Variants in CAVIN2 observed in about 807,000 individuals in gnomAD.
CAVIN2 encodes the protein caveolae associated protein 2.
Under a neutral mutation model 11.7 loss-of-function variants are expected in CAVIN2, and 13 were observed. The ratio of observed to expected loss-of-function variants is 1.11; its 90% CI spans 0.72 to 1.77. The LOEUF (loss-of-function observed/expected upper bound fraction) is 1.77. Among genes scored for constraint, CAVIN2 ranks in the 40% most tolerant of loss-of-function variants. The probability of loss-of-function intolerance (pLI) is 0.00; values close to 1 mark genes in which losing one functional copy is unlikely to be tolerated. For synonymous variants in CAVIN2, 237 were observed against 223.2 expected (o/e 1.06, Z -0.55); for missense variants, 549 against 542.9 (o/e 1.01, Z -0.11).
intron 1 of CAVIN2, 38 bp downstream of exon 1, chr2:191,846,404 GT>G: frequency 6.4e-7 from 1 of 1,564,246 alleles, no homozygotes; most frequent in Non-Finnish European, 8.7e-7. Context: ...ATGATAAGGA[GT>G]TCCAGCCCGC....
intron 1 of CAVIN2, among the ~76,000 whole-genome samples, chr2:191,837,345 G>T (rs950687318): frequency 1.3e-5 from 2 of 152,180 alleles, no homozygotes; most frequent in African/African-American, 4.8e-5. Context: ...CTTCCTGGGG[G>T]TGCACTCAGG....
chr2:191,835,887 T>G lies in CAVIN2; in HGVS notation c.*36A>C, dbSNP rs1437310223. On this transcript the variant is annotated 3_prime_UTR_variant, in exon 2 of 2. Transcript: ENST00000304141. ...TTGTTCTTCAGCCCTGGCTGCCCGCTTGAGCACAGCACAGGATGGCACGGT... is the reference window on the plus strand; with the variant it reads ...TTGTTCTTCAGCCCTGGCTGCCCGCGTGAGCACAGCACAGGATGGCACGGT... 1 of 1,578,384 alleles carries G rather than the reference T, an allele frequency of 6.3e-7. No individual in the cohort carries two copies. Among genetic ancestry groups the G allele is most frequent in the Admixed American group, 1.7e-5 (1 of 57,950 alleles).
At chr2:191,838,037 C>T (rs537357775) in intron 1 of CAVIN2, among the ~76,000 whole-genome samples, 1 of 152,354 alleles carries the variant, frequency 6.6e-6, no homozygotes, top group African/African-American at 2.4e-5. Flanking sequence ...AGCTCCAGAC[C>T]CCCCTGCCAC....
intron 1 of CAVIN2, 147 bp downstream of exon 1, chr2:191,846,296 C>A: frequency 9.8e-7 from 1 of 1,016,146 alleles, no homozygotes; most frequent in Non-Finnish European, 1.4e-6. Context: ...CATTTGCTTT[C>A]CGCAGGCAGA....
At chr2:191,839,743 A>G (rs1690069004) in intron 1 of CAVIN2, among the ~76,000 whole-genome samples, 1 of 152,186 alleles carries the variant, frequency 6.6e-6, no homozygotes, top group Non-Finnish European at 1.5e-5. Flanking sequence ...CTGTCATTTT[A>G]ATTACACAAA....
intron 1 of CAVIN2, among the ~76,000 whole-genome samples, chr2:191,837,527 G>C (rs10194291): frequency 0.01 from 1,531 of 152,278 alleles, 23 homozygotes; most frequent in African/African-American, 0.035. Flanking sequence ...TTCCAGCGAA[G>C]AGTGAGGAGA....
Position 191,836,402 on chromosome 2 carries a change from T to G in CAVIN2, c.799A>C (p.Arg267=). The G allele has an allele frequency of 6.2e-7, 1 of 1,614,224 alleles. No homozygotes were observed. The highest frequency in any genetic ancestry group is 8.5e-7 in the Non-Finnish European group (1 of 1,180,046). The change falls in exon 2 of 2, where the codon AGG becomes CGG. Residue 267 remains arginine (R), a synonymous_variant. Transcript: ENST00000304141. Reference sequence around the variant, plus strand: ...AGAGATTTCTTAATCTTCTCTCTCCTCTCTACAGATACGATCTTTGTCCCC... The same window carrying G: ...AGAGATTTCTTAATCTTCTCTCTCCGCTCTACAGATACGATCTTTGTCCCC... ...KLGTKIVSVE[R]REKIKKSLTS...
At chr2:191,838,833 GC>G (rs1690055782) in intron 1 of CAVIN2, among the ~76,000 whole-genome samples, 1 of 152,176 alleles carries the variant, frequency 6.6e-6, no homozygotes, top group Non-Finnish European at 1.5e-5. Flanking sequence ...CCTGAGAGTG[GC>G]TGGAATGGAG....
In CAVIN2 at chr2:191,836,622, C is replaced by T; in HGVS notation, c.579G>A (p.Leu193=). The T allele has an allele frequency of 1.9e-6, 3 of 1,614,090 alleles. No individual in the cohort carries two copies. The highest frequency in any genetic ancestry group is 2.5e-6 in the Non-Finnish European group (3 of 1,180,022). ...GGTCCACGGTGTGCAGGGTTTCCTC[C>T]AGGGATTTGTTTTCATCCGGAAGCT... is the stretch of plus-strand genomic sequence containing the variant. The part of the protein sequence containing the change: ...KEELPDENKS[L]EETLHTVDLS... Residue 193 remains leucine (L), a synonymous_variant, in exon 2 of 2, where the codon CTG becomes CTA. Coordinates refer to ENST00000304141, the MANE Select transcript of CAVIN2 (RefSeq NM_004657.6).
rs1690018575 is a variant in CAVIN2, at chr2:191,836,345, T to A, written c.856A>T (p.Lys286Ter). ...TSNHQKISSG[K>*]SSPFKVSPLT... ...GGAGAAACCTTGAAGGGGGAGCTTT[T>A]TCCTGAGGATATTTTCTGGTGATTT... Residue 286 changes from lysine to a stop codon, truncating the protein, a stop_gained, in exon 2 of 2, where the codon AAA (lysine) becomes TAA (stop). Coordinates refer to ENST00000304141, the MANE Select transcript of CAVIN2 (RefSeq NM_004657.6). LOFTEE classifies it low-confidence loss of function (END_TRUNC). 4 of 1,614,214 alleles carry A rather than the reference T, an allele frequency of 2.5e-6. No individual in the cohort carries two copies. In the South Asian group the frequency reaches 4.4e-5, roughly 18 times the overall value.
Position 191,835,935 on chromosome 2 carries a change from G to A in CAVIN2, c.1266C>T (p.His422=), listed in dbSNP as rs778431075. ...GGTGGCTCTAAGCTCAGGAGGTCTG[G>A]TGCACCTGGAGCACGGCGGGCTGCA... ...DPVQPAVLQV[H]QTS is the part of the protein sequence containing the mutation. The change falls in exon 2 of 2, where the codon CAC becomes CAT. Residue 422 remains histidine (H), a synonymous_variant. Transcript: ENST00000304141. The A allele has an allele frequency of 6.2e-7, 1 of 1,611,974 alleles. No individual in the cohort carries two copies. The highest frequency in any genetic ancestry group is 1.7e-4 in the Middle Eastern group (1 of 6,058).
At chr2:191,844,317 C>G (rs1690135511) in intron 1 of CAVIN2, among the ~76,000 whole-genome samples, 1 of 152,170 alleles carries the variant, frequency 6.6e-6, no homozygotes, top group Non-Finnish European at 1.5e-5. Context: ...TTAGAAGGAA[C>G]AAGAGAGTCC....
intron 1 of CAVIN2, among the ~76,000 whole-genome samples, chr2:191,841,908 G>A (rs1388178182): frequency 6.6e-6 from 1 of 152,104 alleles, no homozygotes; most frequent in South Asian, 2.1e-4. Context: ...CTAATATTTT[G>A]TTTATCTCAT....
Position 191,835,123 on chromosome 2 carries a change from C to T in CAVIN2, c.*800G>A, listed in dbSNP as rs1689993247. The T allele has an allele frequency of 6.6e-6, 1 of 151,684 alleles. No individual in the cohort carries two copies. The highest frequency in any genetic ancestry group is 2.4e-5 in the African/African-American group (1 of 41,314). The allele number at this position is 151,684 out of a possible 1,614,324, so 9.4% of individuals were successfully genotyped here. A position where few individuals can be genotyped will look rare whatever the true frequency, so the allele number is the denominator to read the frequency against. The stretch of plus-strand genomic sequence containing the variant: ...ATATTTTGAAGATGACATGTTATTC[C>T]AGGATATACGAACTTCTTTAGTATT... On this transcript the variant is annotated 3_prime_UTR_variant, in exon 2 of 2. Coordinates refer to ENST00000304141, the MANE Select transcript of CAVIN2 (RefSeq NM_004657.6).
chr2:191,845,288 A>G (rs935919675), intron 1 of CAVIN2, among the ~76,000 whole-genome samples: 7 of 152,194 alleles, frequency 4.6e-5, no homozygotes, highest in Non-Finnish European at 8.8e-5. Flanking sequence ...TGGGGGTAGG[A>G]AGGCTTCTAA....
intron 1 of CAVIN2, among the ~76,000 whole-genome samples, chr2:191,839,699 A>C (rs1221279676): frequency 1.3e-5 from 2 of 152,188 alleles, no homozygotes; most frequent in Non-Finnish European, 2.9e-5. Flanking sequence ...GAAACAAGTG[A>C]GATATGTCTT....
At chr2:191,837,217 G>A (rs1042430647) in intron 1 of CAVIN2, among the ~76,000 whole-genome samples, 1 of 152,190 alleles carries the variant, frequency 6.6e-6, no homozygotes, top group African/African-American at 2.4e-5. Context: ...GCCTTGACTG[G>A]GTTCCCTCTC....
intron 1 of CAVIN2, among the ~76,000 whole-genome samples, chr2:191,838,662 T>C (rs1241960335): frequency 2.0e-5 from 3 of 152,226 alleles, no homozygotes; most frequent in African/African-American, 7.2e-5. Context: ...CAAGCACTGC[T>C]TTCCCGTGTT....
Position 191,835,250 on chromosome 2 carries a change from C to T in CAVIN2, c.*673G>A, listed in dbSNP as rs1365901239. The T allele has an allele frequency of 6.6e-6, 1 of 151,880 alleles. No individual in the cohort carries two copies. Among genetic ancestry groups the T allele is most frequent in the African/African-American group, 2.4e-5 (1 of 41,370 alleles). 9.4% of individuals were successfully genotyped at this position (151,880 alleles called of 1,614,324 possible). ...TCATTCTTTTCGGCATTCTTTGTTT[C>T]CTGTTTCTCTCATTTTCCAAATTTT... On this transcript the variant is annotated 3_prime_UTR_variant, in exon 2 of 2. Transcript: ENST00000304141.
Sources: allele counts gnomAD v4.1 joint callset (sites outside exome capture counted in the v4.1 genomes callset), GRCh38; gene constraint gnomAD v4.1.1; transcripts MANE v1.5; gene names NCBI Gene and HGNC (gene_info 2026-07-23, HGNC 2026-07-21).